CMYA5: variants seen among roughly 807,000 people sequenced by gnomAD.
CMYA5 encodes cardiomyopathy associated 5.
CMYA5 carries 246 observed loss-of-function variants against 318.9 expected under a neutral mutation model. The observed-to-expected ratio is 0.77, with a 90% confidence interval of 0.70 to 0.86. The LOEUF (loss-of-function observed/expected upper bound fraction) is 0.86, where lower values mean the gene tolerates loss of function less well. CMYA5 is among the 40% of genes least tolerant of loss of function. The probability of loss-of-function intolerance (pLI) is 0.00; values close to 1 mark genes in which losing one functional copy is unlikely to be tolerated. For synonymous variants in CMYA5, 1,641 were observed against 1,729.5 expected, an observed-to-expected ratio of 0.95 and a Z score of 1.27; for missense variants, 4,589 against 4,678.2, an observed-to-expected ratio of 0.98 and a Z score of 0.56.
intron 8 of CMYA5, chr5:79,762,246 G>A (rs1485499223): frequency 3.4e-6 from 1 of 289,956 alleles, no homozygotes; most frequent in Non-Finnish European, 6.4e-6. Flanking sequence ...TTGGCCTGGG[G>A]CAGGGGCAGG....
intron 12 of CMYA5, among the ~76,000 whole-genome samples, chr5:79,793,842 C>T (rs1829225457): frequency 6.6e-6 from 1 of 152,136 alleles, no homozygotes; most frequent in African/African-American, 2.4e-5. Context: ...ATATTAAACC[C>T]TATTATGAGG....
chr5:79,710,357 A>T (rs1827366500), intron 1 of CMYA5, among the ~76,000 whole-genome samples: 1 of 152,326 alleles, frequency 6.6e-6, no homozygotes, highest in South Asian at 2.1e-4. Flanking sequence ...AATATTGATA[A>T]ATATAACCCA....
In CMYA5 at chr5:79,745,309, C is replaced by T. The variant is rs776883872; in HGVS notation, c.10822C>T (p.Gln3608Ter). Residue 3608 changes from glutamine (Q) to a stop codon, truncating the protein, a stop_gained, in exon 4 of 13, where the codon CAG (glutamine) becomes TAG (stop). Transcript: ENST00000446378. LOFTEE classifies it high-confidence loss of function. ...KVLAQYDEKA[Q>*]SFEEVKKKKM... The stretch of plus-strand genomic sequence containing the variant: ...TTTAGCACAGTATGATGAGAAAGCC[C>T]AGAGCTTTGAGGAAGTGAAGAAGAA... The T allele has an allele frequency of 6.2e-7, 1 of 1,613,676 alleles. No homozygotes were observed. Among genetic ancestry groups the T allele is most frequent in the Non-Finnish European group, 8.5e-7 (1 of 1,179,772 alleles).
Position 79,735,327 on chromosome 5 carries a change from G to A in CMYA5, c.6562G>A (p.Gly2188Arg). Reference sequence around the variant, plus strand: ...ATCGTGGATGTCCAGCTTGTTTTTTGGATCGAGCACTCCAGATAACAAAGT... The same window carrying A: ...ATCGTGGATGTCCAGCTTGTTTTTTAGATCGAGCACTCCAGATAACAAAGT... Reference protein sequence around the residue: ...FKSWMSSLFFGSSTPDNKVAE... With the variant: ...FKSWMSSLFFRSSTPDNKVAE... The change falls in exon 2 of 13, where the codon GGA (glycine) becomes AGA (arginine). Residue 2188 changes from glycine to arginine, a missense_variant. Physicochemically the swap from Gly to Arg is moderately radical, Grantham distance 125 (BLOSUM62 -2). This residue lies in a region of CMYA5 where 2,431 missense variants were observed against 2,495.1 expected (regional missense o/e 0.97). Coordinates refer to ENST00000446378, the MANE Select transcript of CMYA5 (RefSeq NM_153610.5). 1 of 1,613,772 alleles carries A rather than the reference G, an allele frequency of 6.2e-7. No homozygotes were observed. The highest frequency in any genetic ancestry group is 8.5e-7 in the Non-Finnish European group (1 of 1,179,824).
chr5:79,763,997 G>C (rs1388235805), intron 9 of CMYA5, among the ~76,000 whole-genome samples: 2 of 151,768 alleles, frequency 1.3e-5, no homozygotes, highest in Non-Finnish European at 2.9e-5. Context: ...TATGAAACTA[G>C]ACAGCTTTTT....
Position 79,729,839 on chromosome 5 carries a change from G to C in CMYA5, c.1074G>C (p.Arg358Ser). ...SGRAEQGIQL[R>S]HSQSVPQQPE... Reference sequence around the variant, plus strand: ...GAGCAGAACAAGGAATACAGCTCAGGCATTCACAGTCAGTGCCACAACAGC... The same window carrying C: ...GAGCAGAACAAGGAATACAGCTCAGCCATTCACAGTCAGTGCCACAACAGC... The change falls in exon 2 of 13, where the codon AGG (arginine) becomes AGC (serine). Residue 358 changes from arginine to serine, a missense_variant. Arg to Ser is a moderately radical substitution (Grantham distance 110). Around this residue, in one of 3 missense-constraint regions of CMYA5, gnomAD observed 2,132 missense variants for 2,131.3 expected, o/e 1.00. Coordinates refer to ENST00000446378, the MANE Select transcript of CMYA5 (RefSeq NM_153610.5). The C allele has an allele frequency of 4.3e-6, 7 of 1,612,904 alleles. No individual in the cohort carries two copies. Among genetic ancestry groups the C allele is most frequent in the Non-Finnish European group, 5.1e-6 (6 of 1,179,336 alleles).
rs200229227 is a variant in CMYA5 at position 79,736,061 on chromosome 5, A to T, written c.7296A>T (p.Glu2432Asp). The T allele has an allele frequency of 6.2e-7, 1 of 1,612,200 alleles. No homozygotes were observed. Residue 2432 changes from glutamate (E) to aspartate (D), a missense_variant, in exon 2 of 13, where the codon GAA becomes GAT. By Grantham distance (45) the Glu-to-Asp change is conservative (BLOSUM62 2). Coordinates refer to ENST00000446378, the MANE Select transcript of CMYA5 (RefSeq NM_153610.5). Reference protein sequence around the residue: ...IDFSEDRLKKEMQNPTSLKIS... With the variant: ...IDFSEDRLKKDMQNPTSLKIS... ...TCAGTGAAGACAGACTCAAGAAAGA[A>T]ATGCAAAATCCTACTTCCTTGAAAA... is the stretch of plus-strand genomic sequence containing the variant.
At position 79,729,493 on chromosome 5, in the gene CMYA5, A is replaced by G; in HGVS notation, c.728A>G (p.Gln243Arg). 1 of 1,610,326 alleles carries G rather than the reference A, an allele frequency of 6.2e-7. No homozygotes were observed. Among genetic ancestry groups the G allele is most frequent in the Non-Finnish European group, 8.5e-7 (1 of 1,177,666 alleles). Residue 243 changes from glutamine to arginine, a missense_variant, in exon 2 of 13, where the codon CAA becomes CGA. Coordinates refer to ENST00000446378, the MANE Select transcript of CMYA5 (RefSeq NM_153610.5). ...NSVKEELIPL[Q>R]FYGTLPKGYV... ...GTTAAAGAAGAATTAATTCCTCTAC[A>G]ATTTTATGGAACATTGCCAAAGGGT...
At chr5:79,788,359 G>A (rs2151100074) in intron 9 of CMYA5, among the ~76,000 whole-genome samples, 1 of 152,192 alleles carries the variant, frequency 6.6e-6, no homozygotes, top group East Asian at 1.9e-4. Context: ...TGTATTAAGT[G>A]GTGGGGCTGT....
chr5:79,731,209 TAATC>T lies in CMYA5; in HGVS notation c.2448_2451del (p.Ile816MetfsTer19), dbSNP rs1827890245. 1 of 1,613,746 alleles carries T rather than the reference TAATC, an allele frequency of 6.2e-7. No individual in the cohort carries two copies. Among genetic ancestry groups the T allele is most frequent in the East Asian group, 2.2e-5 (1 of 44,888 alleles). ...GCAACACAGGAATCTCAAAAGAAAA[TAATC>T]AATGAGGCATCCCAATTCAAACCAA... is the stretch of plus-strand genomic sequence containing the variant. On this transcript the variant is annotated frameshift_variant, in exon 2 of 13. Coordinates refer to ENST00000446378, the MANE Select transcript of CMYA5 (RefSeq NM_153610.5). LOFTEE classifies it high-confidence loss of function.
rs529864076 is a variant in CMYA5, at chr5:79,766,208, C to T, written c.11555+2999C>T. On this transcript the variant is annotated intron_variant, in intron 9 of 12. Transcript: ENST00000446378. ...CTGCCTCCCAGGTTCAAATGATTCT[C>T]CTGCCTCAGCCTCCCGAGTAGCTGG... is the stretch of plus-strand genomic sequence containing the variant. Among the ~76,000 whole-genome samples the T allele has an allele frequency of 2.0e-5, 3 of 152,290 alleles. No individual in the cohort carries two copies. In the South Asian group the frequency reaches 6.2e-4, roughly 32 times the overall value.
intron 2 of CMYA5, among the ~76,000 whole-genome samples, chr5:79,740,681 C>T (rs1489996665): frequency 2.6e-5 from 4 of 152,138 alleles, no homozygotes; most frequent in Non-Finnish European, 5.9e-5. Flanking sequence ...TATAAATACT[C>T]CACTTCCCTG....
In CMYA5 at chr5:79,737,144, G is replaced by A; in HGVS notation, c.8379G>A (p.Arg2793=). Residue 2793 remains arginine (R), a synonymous_variant, in exon 2 of 13, where the codon AGG becomes AGA. Transcript: ENST00000446378. ...KEGFPSKESE[R]TLARPFDETK... Reference sequence around the variant, plus strand: ...GATTTCCATCTAAAGAATCCGAAAGGACTTTAGCTCGTCCTTTTGATGAAA... The same window carrying A: ...GATTTCCATCTAAAGAATCCGAAAGAACTTTAGCTCGTCCTTTTGATGAAA... 1 of 1,613,012 alleles carries A rather than the reference G, an allele frequency of 6.2e-7. No individual in the cohort carries two copies. The highest frequency in any genetic ancestry group is 1.7e-4 in the Middle Eastern group (1 of 6,060).
chr5:79,758,173 T>C (rs1462550990), intron 6 of CMYA5, among the ~76,000 whole-genome samples: 1 of 151,112 alleles, frequency 6.6e-6, no homozygotes, highest in Non-Finnish European at 1.5e-5. Flanking sequence ...GAGGTTGCAG[T>C]CAGCCAAGAT....
At chr5:79,769,928 T>C (rs1405903016) in intron 9 of CMYA5, among the ~76,000 whole-genome samples, 6 of 152,204 alleles carry the variant, frequency 3.9e-5, no homozygotes, top group Non-Finnish European at 7.3e-5. Context: ...AAGTGCTCTG[T>C]TCCAGGTAGA....
At chr5:79,764,597 A>C (rs949753385) in intron 9 of CMYA5, among the ~76,000 whole-genome samples, 2 of 152,180 alleles carry the variant, frequency 1.3e-5, no homozygotes, top group Admixed American at 6.5e-5. Context: ...GAACTAATTT[A>C]CACTCCCACC....
chr5:79,745,202 T>C lies in CMYA5; in HGVS notation c.10735-20T>C, dbSNP rs1288695825. On this transcript the variant is annotated intron_variant, in intron 3 of 12. Coordinates refer to ENST00000446378, the MANE Select transcript of CMYA5 (RefSeq NM_153610.5). Reference sequence around the variant, plus strand: ...TCTTGTTTCATTCAGAAGTGGGCTTTTTTGCTTGTTTGTTTTCAGGAAAAC... The same window carrying C: ...TCTTGTTTCATTCAGAAGTGGGCTTCTTTGCTTGTTTGTTTTCAGGAAAAC... 2 of 1,505,296 alleles carry C rather than the reference T, an allele frequency of 1.3e-6. No individual in the cohort carries two copies. Among genetic ancestry groups the C allele is most frequent in the Non-Finnish European group, 1.8e-6 (2 of 1,112,810 alleles). The allele number at this position is 1,505,296 out of a possible 1,614,324, so 93.2% of individuals were successfully genotyped here.
intron 1 of CMYA5, among the ~76,000 whole-genome samples, chr5:79,725,522 TG>T (rs1189241770): frequency 6.6e-6 from 1 of 152,212 alleles, no homozygotes; most frequent in East Asian, 1.9e-4. Context: ...GTTCACTATT[TG>T]GGTGATGGGA....
chr5:79,708,531 G>A (rs140954098), intron 1 of CMYA5, among the ~76,000 whole-genome samples: 10,561 of 151,596 alleles, frequency 0.07, 784 homozygotes, highest in Admixed American at 0.24. Context: ...AGGCTGAGGC[G>A]GGACAATGGC....
Sources: allele counts gnomAD v4.1 joint callset (sites outside exome capture counted in the v4.1 genomes callset), GRCh38; gene constraint gnomAD v4.1.1; regional missense constraint gnomAD v4.1.1; transcripts MANE v1.5; gene names NCBI Gene and HGNC (gene_info 2026-07-23, HGNC 2026-07-21).